Variants in KAZN observed in about 807,000 individuals in gnomAD.
KAZN encodes the protein kazrin.
A neutral mutation model predicts 87.4 loss-of-function variants in KAZN; 40 were observed. The observed-to-expected ratio is 0.46, with a 90% confidence interval of 0.36 to 0.60. The LOEUF is 0.60. Among genes scored for constraint, KAZN ranks in the 20% least tolerant of loss-of-function variants. The pLI is 0.00. For synonymous variants in KAZN, 466 were observed against 458.3 expected (o/e 1.02, Z -0.22); for missense variants, 898 against 1,073.9 (o/e 0.84, Z 2.29).
chr1:14,209,788 C>A (rs1571022977), intron 2 of KAZN, among the ~76,000 whole-genome samples: 1 of 152,298 alleles, frequency 6.6e-6, no homozygotes, highest in African/African-American at 2.4e-5. Flanking sequence ...GCTATGTATA[C>A]CCATGCAAAG....
Position 15,099,371 on chromosome 1 carries a change from A to G in KAZN, c.1548-2172A>G, listed in dbSNP as rs554208264. Among the ~76,000 whole-genome samples, 9 of 152,356 alleles carry G rather than the reference A, an allele frequency of 5.9e-5. No homozygotes were observed. The East Asian group carries it at 1.3e-3, about 23-fold the overall frequency. ...GAGAAAATAAATTAGTGGACAAACC[A>G]GCAATTGCTTAGGTTCAGTATGTGA... On this transcript the variant is annotated intron_variant, in intron 10 of 14. Transcript: ENST00000376030. The surrounding 1 kb of genome is among the most constrained non-coding windows in gnomAD (Gnocchi z 5.4).
intron 1 of KAZN, among the ~76,000 whole-genome samples, chr1:14,792,641 G>C (rs1028157522): frequency 6.6e-6 from 1 of 152,126 alleles, no homozygotes; most frequent in Non-Finnish European, 1.5e-5. Flanking sequence ...AAGGCACAGA[G>C]ACAAACGCAA....
intron 2 of KAZN, among the ~76,000 whole-genome samples, chr1:14,465,774 T>C (rs1668091793): frequency 6.6e-6 from 1 of 152,224 alleles, no homozygotes; most frequent in Admixed American, 6.5e-5. Flanking sequence ...TCTGCTGTCC[T>C]GAATTAAAGG....
intron 1 of KAZN, among the ~76,000 whole-genome samples, chr1:13,949,410 A>G (rs185260142): frequency 1.2e-3 from 190 of 152,316 alleles, no homozygotes; most frequent in African/African-American, 4.2e-3. Flanking sequence ...TTTGAAAGCA[A>G]CCACTAATTA....
intron 1 of KAZN, among the ~76,000 whole-genome samples, chr1:14,063,310 C>T (rs1164719477): frequency 6.6e-6 from 1 of 152,128 alleles, no homozygotes; most frequent in African/African-American, 2.4e-5. Context: ...TTTTCCATAA[C>T]TAGAAAGTAA....
chr1:14,113,967 G>A (rs1644554285), intron 1 of KAZN, among the ~76,000 whole-genome samples: 1 of 152,212 alleles, frequency 6.6e-6, no homozygotes, highest in African/African-American at 2.4e-5. Context: ...TGGGTAGGAA[G>A]GGAAAAGCTC....
chr1:14,606,548 G>C (rs1203937560), intron 1 of KAZN, among the ~76,000 whole-genome samples: 1 of 152,050 alleles, frequency 6.6e-6, no homozygotes, highest in Non-Finnish European at 1.5e-5. Flanking sequence ...TCTTGGGAAG[G>C]ATGAGTCCAG....
intron 1 of KAZN, among the ~76,000 whole-genome samples, chr1:14,875,791 T>C (rs1652704779): frequency 6.6e-6 from 1 of 152,264 alleles, no homozygotes; most frequent in Admixed American, 6.5e-5. Context: ...CACTTGCCAG[T>C]ACACCACTGC....
chr1:14,598,959 C>G lies in KAZN; in HGVS notation c.-39C>G, dbSNP rs1299626741. On this transcript the variant is annotated 5_prime_UTR_variant, in exon 1 of 15. Coordinates refer to ENST00000376030, the MANE Select transcript of KAZN (RefSeq NM_201628.3). This position sits in a 1 kb window ranked among gnomAD's most constrained non-coding sequence, Gnocchi z 4.2. ...CGCGCCCCCCGCGCATCATGCAGCTCTTTGTCACCTCTCTCGCCCCCAGGC... is the reference window on the plus strand; with the variant it reads ...CGCGCCCCCCGCGCATCATGCAGCTGTTTGTCACCTCTCTCGCCCCCAGGC... 6.4e-7 allele frequency: 1 copy of G among 1,561,138 alleles called. No homozygotes were observed.
intron 1 of KAZN, among the ~76,000 whole-genome samples, chr1:13,975,638 TGGATGAA>T (rs1638313080): frequency 6.6e-6 from 1 of 152,086 alleles, no homozygotes; most frequent in Non-Finnish European, 1.5e-5. Flanking sequence ...ATCAAATGAG[TGGATGAA>T]TGAGCCATAC....
intron 1 of KAZN, among the ~76,000 whole-genome samples, chr1:13,935,476 C>A (rs903593810): frequency 6.6e-6 from 1 of 152,154 alleles, no homozygotes; most frequent in Non-Finnish European, 1.5e-5. Context: ...TGCTATGCTG[C>A]CACCATCCTA....
At chr1:14,784,333 C>T (rs1163586876) in intron 1 of KAZN, among the ~76,000 whole-genome samples, 1 of 152,186 alleles carries the variant, frequency 6.6e-6, no homozygotes, top group African/African-American at 2.4e-5. Flanking sequence ...GGTTGAATAA[C>T]TGGAGACTAT....
intron 1 of KAZN, among the ~76,000 whole-genome samples, chr1:14,734,759 C>T (rs1453571439): frequency 1.3e-5 from 2 of 152,234 alleles, no homozygotes; most frequent in East Asian, 3.9e-4. Flanking sequence ...TTGCCTGGTT[C>T]ATGCAAGCCC....
intron 1 of KAZN, among the ~76,000 whole-genome samples, chr1:14,866,973 T>C (rs1420267926): frequency 6.6e-6 from 1 of 152,224 alleles, no homozygotes; most frequent in East Asian, 1.9e-4. Context: ...TGTCATGGCA[T>C]AAATTTGGAT....
intron 1 of KAZN, among the ~76,000 whole-genome samples, chr1:14,081,785 T>C (rs1368841204): frequency 1.3e-5 from 2 of 152,102 alleles, no homozygotes; most frequent in Admixed American, 6.5e-5. Flanking sequence ...CATAGTCTCA[T>C]TCTTTTGTCC....
At chr1:14,544,346 C>CTTTTTTTTTTTTTTTTTT (rs1672995998) in intron 2 of KAZN, among the ~76,000 whole-genome samples, 1 of 67,152 alleles carries the variant, frequency 1.5e-5, no homozygotes, top group Non-Finnish European at 3.1e-5. Context: ...TTCTTTCTTT[C>CTTTTTTTTTTTTTTTTTT]TTTCTTTTTT....
Position 15,112,108 on chromosome 1 carries a change from T to C in KAZN, c.2049-319T>C, listed in dbSNP as rs1016209779. 35 of 391,860 alleles carry C rather than the reference T, an allele frequency of 8.9e-5. No homozygotes were observed. In the East Asian group the frequency reaches 1.2e-3, roughly 14 times the overall value. The allele number at this position is 391,860 out of a possible 1,614,324, so 24.3% of individuals were successfully genotyped here. A position where few individuals can be genotyped will look rare whatever the true frequency, so the allele number is the denominator to read the frequency against. On this transcript the variant is annotated intron_variant, in intron 13 of 14. Transcript: ENST00000376030. ...CACTGAAGAGTTAAGATCAAGACTT[T>C]GGAGTGTCAGAAGCCTGAGTTCAGA...
intron 1 of KAZN, among the ~76,000 whole-genome samples, chr1:14,119,872 G>A (rs925630559): frequency 2.0e-5 from 3 of 151,908 alleles, no homozygotes; most frequent in Admixed American, 6.6e-5. Context: ...TTAACATTTA[G>A]CAGGTCTTTG....
chr1:14,286,187 G>GT (rs1037977347), intron 2 of KAZN, among the ~76,000 whole-genome samples: 80 of 152,240 alleles, frequency 5.3e-4, no homozygotes, highest in African/African-American at 1.6e-3. Flanking sequence ...GGTAGGGTTG[G>GT]TTTTTTCTGA....
Sources: gnomAD v4.1 joint callset for allele counts (sites outside exome capture counted in the v4.1 genomes callset) on GRCh38, gnomAD v4.1.1 for gene constraint, Gnocchi (gnomAD v3.1) non-coding constraint, MANE v1.5 for transcripts, NCBI Gene and HGNC (gene_info 2026-07-23, HGNC 2026-07-21) for gene names.